The following MCU variants were observed in gnomAD, a reference collection of about 807,000 sequenced individuals.
The protein encoded by MCU is calcium uniporter protein, mitochondrial.
Under a neutral mutation model 45.2 loss-of-function variants are expected in MCU, and 12 were observed. The ratio of observed to expected loss-of-function variants is 0.27; its 90% confidence interval spans 0.17 to 0.43. The LOEUF (loss-of-function observed/expected upper bound fraction) is 0.43, where lower values mean the gene tolerates loss of function less well. Among genes scored for constraint, MCU ranks in the 20% least tolerant of loss-of-function variants. The pLI is 1.00. For synonymous variants in MCU, 160 were observed against 165.1 expected, an observed-to-expected ratio of 0.97 and a Z score of 0.24; for missense variants, 324 against 436.7, an observed-to-expected ratio of 0.74 and a Z score of 2.30.
intron 2 of MCU, among the ~76,000 whole-genome samples, chr10:72,852,817 C>T (rs1845227642): frequency 6.6e-6 from 1 of 152,200 alleles, no homozygotes; most frequent in Non-Finnish European, 1.5e-5. Context: ...GAATTCTAAA[C>T]CACAAGACCA....
At chr10:72,750,022 C>T (rs1017147126) in intron 1 of MCU, among the ~76,000 whole-genome samples, 8 of 151,604 alleles carry the variant, frequency 5.3e-5, no homozygotes, top group Non-Finnish European at 1.0e-4. Context: ...TCAGGTGATC[C>T]GCCTGCTTTG....
intron 2 of MCU, among the ~76,000 whole-genome samples, chr10:72,836,460 A>G (rs1000446744): frequency 6.6e-6 from 1 of 152,094 alleles, no homozygotes; most frequent in Non-Finnish European, 1.5e-5. Flanking sequence ...ATGTATACCT[A>G]TATTCTATCC....
chr10:72,717,742 A>G (rs1180052762), intron 1 of MCU, among the ~76,000 whole-genome samples: 1 of 152,162 alleles, frequency 6.6e-6, no homozygotes, highest in Non-Finnish European at 1.5e-5. Context: ...GATAGAAAGT[A>G]TATTTGTGTA....
At chr10:72,803,218 ATTTT>A (rs776689654) in intron 1 of MCU, among the ~76,000 whole-genome samples, 69 of 148,230 alleles carry the variant, frequency 4.7e-4, no homozygotes, top group Non-Finnish European at 8.1e-4. Context: ...TCCTGCTTGT[ATTTT>A]TTTTTTAAGA....
intron 1 of MCU, among the ~76,000 whole-genome samples, chr10:72,824,497 C>CCG (rs1441452691): frequency 2.6e-5 from 4 of 151,924 alleles, no homozygotes; most frequent in Non-Finnish European, 5.9e-5. Flanking sequence ...GCGTGAGGCA[C>CCG]CGCGCCCGGC....
chr10:72,883,849 A>G (rs1454916609), intron 6 of MCU, among the ~76,000 whole-genome samples: 3 of 152,212 alleles, frequency 2.0e-5, no homozygotes, highest in Admixed American at 2.0e-4. Context: ...CATAAAATTC[A>G]TAAAACAGGT....
At chr10:72,784,747 T>A (rs1208266973) in intron 1 of MCU, among the ~76,000 whole-genome samples, 1 of 152,174 alleles carries the variant, frequency 6.6e-6, no homozygotes, top group East Asian at 1.9e-4. Context: ...GGGCTGGCTG[T>A]GCACCCTGCC....
intron 2 of MCU, among the ~76,000 whole-genome samples, chr10:72,854,019 AGCTATT>A (rs1002036348): frequency 3.9e-5 from 6 of 152,174 alleles, no homozygotes; most frequent in African/African-American, 1.4e-4. Context: ...CTGTAATCCC[AGCTATT>A]GGGGAGGCTG....
intron 1 of MCU, among the ~76,000 whole-genome samples, chr10:72,703,513 AG>A (rs1417801569): frequency 6.6e-6 from 1 of 152,200 alleles, no homozygotes; most frequent in Non-Finnish European, 1.5e-5. Context: ...TTTGTTCTGT[AG>A]GTCAGTGTTT....
intron 1 of MCU, among the ~76,000 whole-genome samples, chr10:72,755,490 TGTTGATG>T (rs1744210717): frequency 6.6e-6 from 1 of 152,188 alleles, no homozygotes; most frequent in Non-Finnish European, 1.5e-5. Context: ...TGGTGTGTAA[TGTTGATG>T]GTAGAGTGGG....
intron 4 of MCU, among the ~76,000 whole-genome samples, chr10:72,867,916 G>T (rs1589504891): frequency 6.7e-6 from 1 of 148,826 alleles, no homozygotes; most frequent in African/African-American, 2.5e-5. Flanking sequence ...CTTTGTATTT[G>T]CAAATTTGAA....
intron 1 of MCU, among the ~76,000 whole-genome samples, chr10:72,772,809 A>G (rs1843832052): frequency 6.6e-6 from 1 of 152,262 alleles, no homozygotes; most frequent in Non-Finnish European, 1.5e-5. Flanking sequence ...TGACCTTCCC[A>G]AAAGGACAAA....
At chr10:72,722,316 CAAAAA>C (rs35164146) in intron 1 of MCU, among the ~76,000 whole-genome samples, 3 of 20,156 alleles carry the variant, frequency 1.5e-4, no homozygotes, top group African/African-American at 1.2e-4. Flanking sequence ...AACTCCATCT[CAAAAA>C]AAAAAAAAAA....
intron 2 of MCU, among the ~76,000 whole-genome samples, chr10:72,841,612 G>A (rs557460086): frequency 2.6e-5 from 4 of 152,064 alleles, no homozygotes; most frequent in Non-Finnish European, 5.9e-5. Flanking sequence ...AAAAATTTTT[G>A]ACTGTAATGA....
intron 1 of MCU, among the ~76,000 whole-genome samples, chr10:72,711,584 C>G (rs1344516906): frequency 6.7e-6 from 1 of 149,198 alleles, no homozygotes; most frequent in African/African-American, 2.5e-5. Context: ...GTGGCTCATA[C>G]TTATAATACC....
At chr10:72,795,268 C>G (rs1324035948) in intron 1 of MCU, among the ~76,000 whole-genome samples, 1 of 152,192 alleles carries the variant, frequency 6.6e-6, no homozygotes, top group Non-Finnish European at 1.5e-5. Flanking sequence ...TTCATCATCA[C>G]CTTCCTCAGG....
At chr10:72,835,677 G>A (rs1251507642) in intron 2 of MCU, among the ~76,000 whole-genome samples, 1 of 152,136 alleles carries the variant, frequency 6.6e-6, no homozygotes, top group Non-Finnish European at 1.5e-5. Flanking sequence ...TTACTCATTT[G>A]TAATATGGAA....
At chr10:72,878,373 C>T (rs1168881251) in intron 6 of MCU, among the ~76,000 whole-genome samples, 1 of 152,038 alleles carries the variant, frequency 6.6e-6, no homozygotes, top group Non-Finnish European at 1.5e-5. Context: ...CTGCCTGCCT[C>T]AGCCTCCCAA....
chr10:72,730,588 C>G lies in MCU; in HGVS notation c.150+38287C>G, dbSNP rs1334667990. The G allele has an allele frequency of 2.0e-5, 3 of 152,224 alleles. No homozygotes were observed. The East Asian group carries it at 5.8e-4, about 29-fold the overall frequency. The allele number at this position is 152,224 out of a possible 1,614,324, so 9.4% of individuals were successfully genotyped here. A position where few individuals can be genotyped will look rare whatever the true frequency, so the allele number is the denominator to read the frequency against. On this transcript the variant is annotated intron_variant, in intron 1 of 7. Transcript: ENST00000373053. ...ACATGGGTGAGTCACCACGCCTGGC[C>G]TATTGGTCCTTTTTAATAATATCTG... is the stretch of plus-strand genomic sequence containing the variant.
Sources: gnomAD v4.1 joint callset for allele counts (sites outside exome capture counted in the v4.1 genomes callset) on GRCh38, gnomAD v4.1.1 for gene constraint, MANE v1.5 for transcripts, NCBI Gene and HGNC (gene_info 2026-07-23, HGNC 2026-07-21) for gene names.